The following CRYL1 variants were observed in gnomAD, a reference collection of about 807,000 sequenced individuals.
CRYL1 encodes crystallin lambda 1.
In CRYL1, 29 loss-of-function variants were observed where a neutral mutation model predicts 36.6. The observed-to-expected ratio is 0.79, with a 90% CI of 0.59 to 1.08. The LOEUF is 1.08. Among genes scored for constraint, CRYL1 ranks in the 50% least tolerant of loss-of-function variants. The pLI, the probability that CRYL1 is intolerant of heterozygous loss-of-function variation, is 0.00. For synonymous variants in CRYL1, 152 were observed against 151.5 expected (o/e 1.00, Z -0.02); for missense variants, 411 against 407.9 (o/e 1.01, Z -0.06).
intron 3 of CRYL1, among the ~76,000 whole-genome samples, chr13:20,480,835 TTTTGA>T (rs978220961): frequency 1.1e-4 from 16 of 152,336 alleles, no homozygotes; most frequent in Admixed American, 9.1e-4. Context: ...CCTTCTTATG[TTTTGA>T]CTTAGCATTT....
chr13:20,439,514 C>CAAAAAAAAAAAAAAGAAAAAAAAAAA, intron 4 of CRYL1, 79 bp downstream of exon 4: 1 of 330,902 alleles, frequency 3.0e-6, no homozygotes, highest in East Asian at 8.4e-5. Flanking sequence ...CCCTCCCCCG[C>CAAAAAAAAAAAAAAGAAAAAAAAAAA]AAAAAAAAAA....
chr13:20,476,452 C>T (rs917734853), intron 3 of CRYL1, among the ~76,000 whole-genome samples: 1 of 152,108 alleles, frequency 6.6e-6, no homozygotes, highest in Non-Finnish European at 1.5e-5. Context: ...GGTGAAAGGC[C>T]GCCCCTTGAA....
intron 3 of CRYL1, among the ~76,000 whole-genome samples, chr13:20,442,866 G>A (rs1329881896): frequency 6.6e-6 from 1 of 152,182 alleles, no homozygotes; most frequent in East Asian, 1.9e-4. Context: ...GGCATGCCCT[G>A]ATTTTGACAA....
chr13:20,424,952 T>C (rs1238770945), intron 5 of CRYL1, among the ~76,000 whole-genome samples: 2 of 152,190 alleles, frequency 1.3e-5, no homozygotes, highest in Admixed American at 6.5e-5. Flanking sequence ...TGAGGCATGG[T>C]GCGGAGGCCA....
chr13:20,503,424 C>T (rs2001455), intron 2 of CRYL1, among the ~76,000 whole-genome samples: 11 of 152,278 alleles, frequency 7.2e-5, no homozygotes, highest in African/African-American at 2.2e-4. Context: ...GTTTAGCAGT[C>T]GGTGCTGTGC....
chr13:20,422,668 C>A (rs1379433156), intron 5 of CRYL1, among the ~76,000 whole-genome samples: 1 of 152,212 alleles, frequency 6.6e-6, no homozygotes, highest in Non-Finnish European at 1.5e-5. Context: ...GATGCCATTT[C>A]TCTGCCAAAG....
At chr13:20,405,041 G>A (rs990967815) in intron 6 of CRYL1, among the ~76,000 whole-genome samples, 9 of 152,152 alleles carry the variant, frequency 5.9e-5, no homozygotes, top group East Asian at 1.9e-4. Context: ...AGGCCAAGGC[G>A]GGTAGATCAC....
chr13:20,420,124 T>C (rs567114606), intron 5 of CRYL1, among the ~76,000 whole-genome samples: 2 of 152,382 alleles, frequency 1.3e-5, no homozygotes, highest in East Asian at 3.9e-4. Flanking sequence ...CAAATTTTGC[T>C]AACGCTACAA....
chr13:20,493,377 A>G (rs1481126232), intron 2 of CRYL1, among the ~76,000 whole-genome samples: 1 of 152,200 alleles, frequency 6.6e-6, no homozygotes, highest in Non-Finnish European at 1.5e-5. Flanking sequence ...ATGCAGACCC[A>G]GGCCAGGCGC....
chr13:20,516,311 G>C (rs2033997787), intron 1 of CRYL1, among the ~76,000 whole-genome samples: 1 of 151,248 alleles, frequency 6.6e-6, no homozygotes, highest in African/African-American at 2.4e-5. Context: ...CCCTGCAAAA[G>C]GATGATTCTG....
At chr13:20,456,238 C>T (rs879567109) in intron 3 of CRYL1, among the ~76,000 whole-genome samples, 18 of 151,996 alleles carry the variant, frequency 1.2e-4, no homozygotes, top group Non-Finnish European at 1.9e-4. Flanking sequence ...CTTTGAGAGG[C>T]CGAGGCGGGC....
At chr13:20,507,650 G>A (rs1366805920) in intron 2 of CRYL1, among the ~76,000 whole-genome samples, 3 of 152,178 alleles carry the variant, frequency 2.0e-5, no homozygotes, top group African/African-American at 4.8e-5. Flanking sequence ...TGGGCACAGT[G>A]GCTCACACCT....
At chr13:20,470,634 C>A (rs568008949) in intron 3 of CRYL1, among the ~76,000 whole-genome samples, 1 of 152,116 alleles carries the variant, frequency 6.6e-6, no homozygotes, top group Non-Finnish European at 1.5e-5. Flanking sequence ...CCCGGCCAGG[C>A]GCGGTGGCTC....
intron 6 of CRYL1, among the ~76,000 whole-genome samples, chr13:20,406,376 C>T (rs1187245634): frequency 6.6e-6 from 1 of 152,198 alleles, no homozygotes; most frequent in Non-Finnish European, 1.5e-5. Flanking sequence ...TCTTCTCTCT[C>T]AGTGTGTTAA....
chr13:20,410,543 T>C (rs1424368648), intron 6 of CRYL1, among the ~76,000 whole-genome samples: 1 of 151,916 alleles, frequency 6.6e-6, no homozygotes, highest in African/African-American at 2.4e-5. Context: ...TAATAATAAA[T>C]AAATAAATAA....
chr13:20,404,779 A>G (rs1403268637), intron 6 of CRYL1, 38 bp from the exon 7 acceptor site: 1 of 1,385,990 alleles, frequency 7.2e-7, no homozygotes, highest in East Asian at 2.3e-5. Context: ...CAATCTCAGA[A>G]AAAAACATTC....
chr13:20,507,704 G>A (rs1436058963), intron 2 of CRYL1, among the ~76,000 whole-genome samples: 5 of 151,950 alleles, frequency 3.3e-5, no homozygotes, highest in East Asian at 3.9e-4. Flanking sequence ...GGATCACAAG[G>A]TCAGGAGATC....
At chr13:20,477,811 T>G (rs1244149261) in intron 3 of CRYL1, among the ~76,000 whole-genome samples, 1 of 146,026 alleles carries the variant, frequency 6.8e-6, no homozygotes, top group Non-Finnish European at 1.5e-5. Flanking sequence ...ATGTATTCTA[T>G]TATATATTAT....
chr13:20,482,017 C>G (rs1304709211), intron 3 of CRYL1, among the ~76,000 whole-genome samples: 2 of 152,166 alleles, frequency 1.3e-5, no homozygotes, highest in Admixed American at 6.5e-5. Context: ...CCAATGCTGC[C>G]TGAACCCCCC....
Sources: allele counts gnomAD v4.1 joint callset (sites outside exome capture counted in the v4.1 genomes callset), GRCh38; gene constraint gnomAD v4.1.1; transcripts MANE v1.5; gene names NCBI Gene and HGNC (gene_info 2026-07-23, HGNC 2026-07-21).